The following ABCA13 variants were observed in gnomAD, a reference collection of about 807,000 sequenced individuals.
ABCA13 encodes the protein ATP binding cassette subfamily A member 13, also known as ATP-binding cassette sub-family A member 13.
In ABCA13, 476 loss-of-function variants were observed where a neutral mutation model predicts 478.7. The observed-to-expected ratio is 0.99, with a 90% confidence interval of 0.92 to 1.07. The LOEUF is 1.07. Among genes scored for constraint, ABCA13 ranks in the 50% least tolerant of loss-of-function variants. The pLI, the probability that ABCA13 is intolerant of heterozygous loss-of-function variation, is 0.00. For synonymous variants in ABCA13, 2,252 were observed against 2,158.9 expected (o/e 1.04, Z -1.20); for missense variants, 6,060 against 5,910.6 (o/e 1.03, Z -0.83).
In ABCA13 at chr7:48,367,897, C is replaced by G; in HGVS notation, c.10792C>G (p.Gln3598Glu). The change falls in exon 32 of 62, where the codon CAG (glutamine) becomes GAG (glutamate). Residue 3598 changes from glutamine (Q) to glutamate (E), a missense_variant. This residue lies in a region of ABCA13 where 4,423 missense variants were observed against 4,309.1 expected (regional missense o/e 1.03). Coordinates refer to ENST00000435803, the MANE Select transcript of ABCA13 (RefSeq NM_152701.5). ...VRKLVYEQEI[Q>E]IEEYMRMMGV... ...AAAGTTGGTGTATGAGCAGGAGATA[C>G]AGATAGAAGAGGTAAATATCCTTAA... 5 of 1,570,014 alleles carry G rather than the reference C, an allele frequency of 3.2e-6. No homozygotes were observed. The highest frequency in any genetic ancestry group is 4.3e-6 in the Non-Finnish European group (5 of 1,156,120).
intron 59 of ABCA13, among the ~76,000 whole-genome samples, chr7:48,621,402 A>G (rs1012127464): frequency 6.6e-6 from 1 of 152,148 alleles, no homozygotes; most frequent in African/African-American, 2.4e-5. Flanking sequence ...CGATATGCTC[A>G]AGTATCCATG....
In ABCA13 at chr7:48,627,789, G is replaced by A. The variant is rs779828446; in HGVS notation, c.14837+12412G>A. 5.3e-5 allele frequency among the ~76,000 whole-genome samples: 8 copies of A among 152,254 alleles called. No homozygotes were observed. The East Asian group carries it at 5.8e-4, about 11-fold the overall frequency. On this transcript the variant is annotated intron_variant, in intron 59 of 61. Coordinates refer to ENST00000435803, the MANE Select transcript of ABCA13 (RefSeq NM_152701.5). ...GGTCGGCTTCTGGTGAGGGCCTAGT[G>A]CTGCTGGATAGCCTGGCAGAAGCAC...
chr7:48,274,399 T>C lies in ABCA13; in HGVS notation c.4733T>C (p.Leu1578Ser), dbSNP rs1192939797. Residue 1578 changes from leucine to serine, a missense_variant, in exon 17 of 62, where the codon TTA becomes TCA. This residue lies in a region of ABCA13 where 4,423 missense variants were observed against 4,309.1 expected (regional missense o/e 1.03). Transcript: ENST00000435803. ...TCCTCTTCTAAAACTGAAAACTTGT[T>C]AAACATATTTGCCACCAGTCCAAAA... is the stretch of plus-strand genomic sequence containing the variant. ...NNSSSKTENLLNIFATSPKEK... is the reference protein window; with the variant it reads ...NNSSSKTENLSNIFATSPKEK... 3 of 1,612,742 alleles carry C rather than the reference T, an allele frequency of 1.9e-6. No homozygotes were observed. The Admixed American group carries it at 5.0e-5, about 27-fold the overall frequency.
Position 48,507,965 on chromosome 7 carries a change from C to T in ABCA13, c.13440C>T (p.Asp4480=). 6.2e-7 allele frequency: 1 copy of T among 1,613,758 alleles called. No individual in the cohort carries two copies. The highest frequency in any genetic ancestry group is 8.5e-7 in the Non-Finnish European group (1 of 1,179,830). The change falls in exon 50 of 62, where the codon GAC becomes GAT. Residue 4480 remains aspartate, a synonymous_variant. Transcript: ENST00000435803. ...SASIGSSVVR[D]RVIGAKRLQH... ...CCATCGGCAGCTCTGTGGTGAGGGACAGGGTGATTGGAGCCAAAAGGTTGC... is the reference window on the plus strand; with the variant it reads ...CCATCGGCAGCTCTGTGGTGAGGGATAGGGTGATTGGAGCCAAAAGGTTGC...
intron 28 of ABCA13, among the ~76,000 whole-genome samples, chr7:48,338,091 A>G (rs1483413871): frequency 6.6e-6 from 1 of 152,162 alleles, no homozygotes; most frequent in African/African-American, 2.4e-5. Flanking sequence ...ATTTTGCCAA[A>G]AACAAACCAC....
intron 7 of ABCA13, among the ~76,000 whole-genome samples, chr7:48,231,693 G>C (rs1007057595): frequency 2.0e-5 from 3 of 151,010 alleles, no homozygotes; most frequent in African/African-American, 7.4e-5. Flanking sequence ...ATGGAGTCTC[G>C]CTCTTTTGCC....
intron 7 of ABCA13, among the ~76,000 whole-genome samples, chr7:48,231,974 A>G (rs1429595473): frequency 6.6e-6 from 1 of 151,926 alleles, no homozygotes; most frequent in Admixed American, 6.6e-5. Context: ...GAACTATTGT[A>G]CAATGAGATT....
At chr7:48,357,169 T>G (rs1289643919) in intron 31 of ABCA13, among the ~76,000 whole-genome samples, 4 of 151,818 alleles carry the variant, frequency 2.6e-5, no homozygotes, top group African/African-American at 4.9e-5. Context: ...GAATTCCTGC[T>G]TAAAAAAAAA....
At chr7:48,370,601 C>A (rs932082677) in intron 32 of ABCA13, among the ~76,000 whole-genome samples, 2 of 152,090 alleles carry the variant, frequency 1.3e-5, no homozygotes, top group African/African-American at 4.8e-5. Context: ...CAAAACCATG[C>A]AAATACATGG....
chr7:48,440,487 G>T (rs920191425), intron 42 of ABCA13, among the ~76,000 whole-genome samples: 1 of 151,884 alleles, frequency 6.6e-6, no homozygotes. Flanking sequence ...ACATTCTACC[G>T]TTTATGTCAA....
chr7:48,274,194 G>A lies in ABCA13; in HGVS notation c.4528G>A (p.Asp1510Asn). 1 of 1,612,420 alleles carries A rather than the reference G, an allele frequency of 6.2e-7. No individual in the cohort carries two copies. Residue 1510 changes from aspartate (D) to asparagine (N), a missense_variant, in exon 17 of 62, where the codon GAC (aspartate) becomes AAC (asparagine). Transcript: ENST00000435803. ...GATGAGTATCAACAACTTAACAACA[G>A]ACTTTGATTTTGCATCTCAGTCCAA... The part of the protein sequence containing the change: ...VRMSINNLTT[D>N]FDFASQSNWR...
intron 42 of ABCA13, among the ~76,000 whole-genome samples, chr7:48,446,386 T>TAAAAAAAA (rs1168931209): frequency 1.0e-5 from 1 of 95,472 alleles, no homozygotes; most frequent in East Asian, 3.6e-4. Flanking sequence ...GTCATGCCCT[T>TAAAAAAAA]TAAAAAAAAA....
In ABCA13 at chr7:48,508,035, T is replaced by G; in HGVS notation, c.13510T>G (p.Phe4504Val). The G allele has an allele frequency of 1.2e-6, 2 of 1,613,880 alleles. No homozygotes were observed. The highest frequency in any genetic ancestry group is 1.7e-6 in the Non-Finnish European group (2 of 1,179,822). ...LGYRMYWFTN[F>V]LYDMLFYLVS... is the part of the protein sequence containing the mutation. The stretch of plus-strand genomic sequence containing the variant: ...CTACAGGATGTACTGGTTCACAAAC[T>G]TCCTATATGACATGGTAGGATTTGG... Residue 4504 changes from phenylalanine (F) to valine (V), a missense_variant, in exon 50 of 62, where the codon TTC becomes GTC. Physicochemically the swap from Phe to Val is conservative, Grantham distance 50. Around this residue, in one of 3 missense-constraint regions of ABCA13, gnomAD observed 1,627 missense variants for 1,571.0 expected, o/e 1.04. Coordinates refer to ENST00000435803, the MANE Select transcript of ABCA13 (RefSeq NM_152701.5).
chr7:48,538,100 CTTTTTTT>C (rs574241927), intron 55 of ABCA13, among the ~76,000 whole-genome samples: 2 of 113,410 alleles, frequency 1.8e-5, no homozygotes, highest in Non-Finnish European at 3.5e-5. Flanking sequence ...TCTTTCTTTC[CTTTTTTT>C]TTTTTTTTTT....
At chr7:48,304,039 C>A (rs1053375353) in intron 23 of ABCA13, among the ~76,000 whole-genome samples, 2 of 152,132 alleles carry the variant, frequency 1.3e-5, no homozygotes, top group African/African-American at 2.4e-5. Context: ...TTGATCATGA[C>A]TGTATCGACA....
At chr7:48,406,360 A>G (rs1818258165) in intron 39 of ABCA13, among the ~76,000 whole-genome samples, 1 of 152,226 alleles carries the variant, frequency 6.6e-6, no homozygotes, top group Non-Finnish European at 1.5e-5. Context: ...ATTTGCAAAT[A>G]GAGACAATTG....
At chr7:48,541,197 T>A (rs894896368) in intron 55 of ABCA13, among the ~76,000 whole-genome samples, 2 of 152,154 alleles carry the variant, frequency 1.3e-5, no homozygotes, top group African/African-American at 4.8e-5. Flanking sequence ...TGTTGTGATA[T>A]TTACTTAAAA....
intron 27 of ABCA13, among the ~76,000 whole-genome samples, chr7:48,329,703 GTCCATCCAACCA>G (rs1049613714): frequency 2.0e-5 from 3 of 149,232 alleles, no homozygotes; most frequent in African/African-American, 7.4e-5. Context: ...TCATTTATCT[GTCCATCCAACCA>G]TCCATCCATC....
rs771538549 is a variant in ABCA13, at chr7:48,249,262, A to G, written c.1916A>G (p.Tyr639Cys). The stretch of plus-strand genomic sequence containing the variant: ...CAATTTTTCCTGGAACAAGCATATT[A>G]TTGGAAAGCCTTCAAAAAGTTTATC... ...KTQFFLEQAY[Y>C]WKAFKKFIRK... The change falls in exon 15 of 62, where the codon TAT becomes TGT. Residue 639 changes from tyrosine to cysteine, a missense_variant. Physicochemically the swap from Tyr to Cys is radical, Grantham distance 194. Coordinates refer to ENST00000435803, the MANE Select transcript of ABCA13 (RefSeq NM_152701.5). The G allele has an allele frequency of 1.9e-6, 3 of 1,613,342 alleles. No homozygotes were observed. The Admixed American group carries it at 5.0e-5, about 27-fold the overall frequency.
Sources: allele counts gnomAD v4.1 joint callset (sites outside exome capture counted in the v4.1 genomes callset), GRCh38; gene constraint gnomAD v4.1.1; regional missense constraint gnomAD v4.1.1; transcripts MANE v1.5; gene names NCBI Gene and HGNC (gene_info 2026-07-23, HGNC 2026-07-21).